DCC: variants seen among roughly 807,000 people sequenced by gnomAD.
DCC encodes the protein netrin receptor DCC.
In DCC, 58 loss-of-function variants were observed where a neutral mutation model predicts 172.5. That is an observed-to-expected ratio of 0.34 (90% CI 0.27 to 0.42). The LOEUF (loss-of-function observed/expected upper bound fraction) is 0.42. DCC is among the 10% of genes least tolerant of loss of function. The pLI, the probability that DCC is intolerant of heterozygous loss-of-function variation, is 1.00. For synonymous variants in DCC, 709 were observed against 644.5 expected (o/e 1.10, Z -1.52); for missense variants, 1,740 against 1,791.0 (o/e 0.97, Z 0.51).
chr18:52,398,738 T>A (rs1280741008), intron 1 of DCC, among the ~76,000 whole-genome samples: 1 of 151,970 alleles, frequency 6.6e-6, no homozygotes, highest in Non-Finnish European at 1.5e-5. Flanking sequence ...GTGATATAAA[T>A]AGGATCCATA....
chr18:53,396,861 A>C (rs1289974065), intron 17 of DCC, among the ~76,000 whole-genome samples: 1 of 152,176 alleles, frequency 6.6e-6, no homozygotes, highest in Non-Finnish European at 1.5e-5. Flanking sequence ...AGAAAATTTC[A>C]AAAATTGAGT....
chr18:53,437,345 C>T (rs1912006179), intron 22 of DCC, among the ~76,000 whole-genome samples: 1 of 152,026 alleles, frequency 6.6e-6, no homozygotes, highest in Non-Finnish European at 1.5e-5. Flanking sequence ...CTTTGGGAGG[C>T]CGAGGCGGGC....
At chr18:53,321,190 G>A (rs1970654650) in intron 13 of DCC, among the ~76,000 whole-genome samples, 1 of 152,104 alleles carries the variant, frequency 6.6e-6, no homozygotes, top group Non-Finnish European at 1.5e-5. Context: ...TATTTCAGAT[G>A]AATGGGGGAT....
intron 13 of DCC, among the ~76,000 whole-genome samples, chr18:53,307,315 A>G (rs1392499793): frequency 6.6e-6 from 1 of 152,186 alleles, no homozygotes; most frequent in Non-Finnish European, 1.5e-5. Flanking sequence ...TTTTCCCCTG[A>G]CAAAATAATG....
intron 7 of DCC, among the ~76,000 whole-genome samples, chr18:53,084,987 G>T (rs1257076155): frequency 6.6e-6 from 1 of 152,150 alleles, no homozygotes. Flanking sequence ...TTCACAAGAA[G>T]AATTTTGGAA....
chr18:52,355,222 C>T (rs1331923132), intron 1 of DCC, among the ~76,000 whole-genome samples: 1 of 151,420 alleles, frequency 6.6e-6, no homozygotes, highest in African/African-American at 2.4e-5. Context: ...AAAAAAAGCA[C>T]ATAGAATGAA....
intron 1 of DCC, among the ~76,000 whole-genome samples, chr18:52,512,861 G>T (rs1056324554): frequency 6.6e-6 from 1 of 152,140 alleles, no homozygotes; most frequent in Non-Finnish European, 1.5e-5. Context: ...GAGTGCTAAG[G>T]ATGATGAACA....
intron 1 of DCC, among the ~76,000 whole-genome samples, chr18:52,646,581 T>C (rs1263513260): frequency 6.6e-6 from 1 of 152,196 alleles, no homozygotes; most frequent in East Asian, 1.9e-4. Flanking sequence ...CTAGGTTCAA[T>C]AATTTGCCAG....
At chr18:53,039,222 C>T (rs2042136861) in intron 5 of DCC, among the ~76,000 whole-genome samples, 1 of 151,998 alleles carries the variant, frequency 6.6e-6, no homozygotes, top group Admixed American at 6.6e-5. Context: ...CATATTTTAA[C>T]ATCCAGGTCT....
chr18:52,447,411 G>A (rs1988159812), intron 1 of DCC, among the ~76,000 whole-genome samples: 1 of 152,184 alleles, frequency 6.6e-6, no homozygotes, highest in Non-Finnish European at 1.5e-5. Context: ...AGTGCCCACA[G>A]TGCAGTGGCA....
chr18:52,938,965 A>T (rs191701841), intron 5 of DCC, among the ~76,000 whole-genome samples: 2 of 151,982 alleles, frequency 1.3e-5, no homozygotes, highest in East Asian at 3.9e-4. Flanking sequence ...ACCCATTTTC[A>T]TCCAGTATGA....
At chr18:53,256,116 C>A (rs1292192654) in intron 12 of DCC, among the ~76,000 whole-genome samples, 1 of 152,068 alleles carries the variant, frequency 6.6e-6, no homozygotes, top group East Asian at 1.9e-4. Flanking sequence ...GATATTAGCC[C>A]TTTGTCAGAT....
At chr18:52,738,380 C>A (rs893095967) in intron 1 of DCC, among the ~76,000 whole-genome samples, 1 of 152,116 alleles carries the variant, frequency 6.6e-6, no homozygotes, top group African/African-American at 2.4e-5. Flanking sequence ...AAACTACAAA[C>A]CTGTACAGCA....
At chr18:53,208,513 A>T (rs960181540) in intron 11 of DCC, among the ~76,000 whole-genome samples, 1 of 151,952 alleles carries the variant, frequency 6.6e-6, no homozygotes, top group Admixed American at 6.6e-5. Flanking sequence ...ATGATAGACA[A>T]TCCCCCTATA....
chr18:52,547,019 T>A (rs745809977), intron 1 of DCC, among the ~76,000 whole-genome samples: 1 of 152,078 alleles, frequency 6.6e-6, no homozygotes, highest in Non-Finnish European at 1.5e-5. Context: ...AGTCAGGGGA[T>A]TTGGTGTGAG....
intron 1 of DCC, among the ~76,000 whole-genome samples, chr18:52,676,765 C>T (rs1261934056): frequency 6.6e-6 from 1 of 152,092 alleles, no homozygotes; most frequent in Non-Finnish European, 1.5e-5. Context: ...CTTGGGTTTG[C>T]TTTCTTTTAG....
At chr18:53,404,079 C>T (rs769244296) in intron 19 of DCC, among the ~76,000 whole-genome samples, 1 of 151,964 alleles carries the variant, frequency 6.6e-6, no homozygotes, top group African/African-American at 2.4e-5. Context: ...TTCTTTTTTT[C>T]CCCCTCATTG....
At chr18:52,815,318 C>CT (rs2038272875) in intron 2 of DCC, among the ~76,000 whole-genome samples, 1 of 151,944 alleles carries the variant, frequency 6.6e-6, no homozygotes, top group Non-Finnish European at 1.5e-5. Context: ...TACATGAGGT[C>CT]ATAAGAGTGG....
chr18:53,102,988 A>G (rs1182124803), intron 7 of DCC, among the ~76,000 whole-genome samples: 1 of 152,144 alleles, frequency 6.6e-6, no homozygotes, highest in African/African-American at 2.4e-5. Flanking sequence ...TTTGAAAAAC[A>G]TGAAATGCTT....
Sources: allele counts gnomAD v4.1 joint callset (sites outside exome capture counted in the v4.1 genomes callset), GRCh38; gene constraint gnomAD v4.1.1; transcripts MANE v1.5; gene names NCBI Gene and HGNC (gene_info 2026-07-23, HGNC 2026-07-21).